Variants in RABGAP1L observed in about 807,000 individuals in gnomAD.
RABGAP1L encodes rab GTPase-activating protein 1-like.
RABGAP1L carries 63 observed loss-of-function variants against 137.7 expected under a neutral mutation model. That is an observed-to-expected ratio of 0.46 (90% CI 0.37 to 0.56). The LOEUF is 0.56. Among genes scored for constraint, RABGAP1L ranks in the 20% least tolerant of loss-of-function variants. The pLI, the probability that RABGAP1L is intolerant of heterozygous loss-of-function variation, is 0.00. For missense variants in RABGAP1L, 1,095 were observed against 1,244.0 expected, an observed-to-expected ratio of 0.88 and a Z score of 1.80; for synonymous variants, 431 against 433.7, an observed-to-expected ratio of 0.99 and a Z score of 0.08.
At chr1:174,362,117 T>C (rs1684197966) in intron 11 of RABGAP1L, among the ~76,000 whole-genome samples, 1 of 152,114 alleles carries the variant, frequency 6.6e-6, no homozygotes, top group Non-Finnish European at 1.5e-5. Context: ...CATGATCTCA[T>C]TTTTTTTATG....
At chr1:174,179,481 A>C (rs909706649) in intron 1 of RABGAP1L, among the ~76,000 whole-genome samples, 3 of 152,184 alleles carry the variant, frequency 2.0e-5, no homozygotes, top group South Asian at 2.1e-4. Context: ...AATGTTAAAA[A>C]GATGTGTGCT....
chr1:174,693,159 T>C (rs1678996757), intron 15 of RABGAP1L, among the ~76,000 whole-genome samples: 1 of 152,232 alleles, frequency 6.6e-6, no homozygotes, highest in South Asian at 2.1e-4. Flanking sequence ...TATTGGGAAC[T>C]AATGAGGAAT....
chr1:174,476,257 A>G (rs1017257962), intron 13 of RABGAP1L, among the ~76,000 whole-genome samples: 3 of 152,156 alleles, frequency 2.0e-5, no homozygotes, highest in Non-Finnish European at 4.4e-5. Context: ...TGCCTATGCT[A>G]TTTTTATTTT....
At chr1:174,447,410 A>G (rs1201005698) in intron 13 of RABGAP1L, among the ~76,000 whole-genome samples, 1 of 152,096 alleles carries the variant, frequency 6.6e-6, no homozygotes, top group Non-Finnish European at 1.5e-5. Flanking sequence ...ATTAACTTTG[A>G]TAGAGTTGTT....
chr1:174,384,667 C>T (rs1686591235), intron 12 of RABGAP1L, among the ~76,000 whole-genome samples: 1 of 152,116 alleles, frequency 6.6e-6, no homozygotes, highest in African/African-American at 2.4e-5. Context: ...ATAGGTAACT[C>T]TGTCTTAACT....
At chr1:174,327,986 CAT>C (rs3057021) in intron 11 of RABGAP1L, among the ~76,000 whole-genome samples, 4,453 of 53,374 alleles carry the variant, frequency 0.083, 237 homozygotes, top group East Asian at 0.13. Flanking sequence ...TATACACACA[CAT>C]ATATATATAT....
At chr1:174,447,461 T>A (rs746134255) in intron 13 of RABGAP1L, among the ~76,000 whole-genome samples, 3 of 152,170 alleles carry the variant, frequency 2.0e-5, no homozygotes, top group Admixed American at 6.6e-5. Context: ...GTTATAAATT[T>A]GACCCCCCAA....
intron 13 of RABGAP1L, among the ~76,000 whole-genome samples, chr1:174,418,437 TC>T (rs1029486203): frequency 6.6e-6 from 1 of 152,196 alleles, no homozygotes; most frequent in African/African-American, 2.4e-5. Context: ...GAATGTAAGG[TC>T]CCTGTGATGG....
chr1:174,284,702 T>G (rs1008331660), intron 10 of RABGAP1L, among the ~76,000 whole-genome samples: 1 of 151,322 alleles, frequency 6.6e-6, no homozygotes, highest in African/African-American at 2.4e-5. Context: ...TGTGCAAGGG[T>G]TCTGTTCTCA....
At chr1:174,680,457 A>G (rs557958595) in intron 14 of RABGAP1L, among the ~76,000 whole-genome samples, 2 of 152,326 alleles carry the variant, frequency 1.3e-5, no homozygotes, top group African/African-American at 4.8e-5. Flanking sequence ...TGGATTTTGT[A>G]GCCTCCAAAA....
intron 16 of RABGAP1L, 84 bp downstream of exon 16, chr1:174,699,734 A>T: frequency 7.7e-7 from 1 of 1,305,598 alleles, no homozygotes; most frequent in Non-Finnish European, 1.1e-6. Context: ...GCAATAATGA[A>T]TTATAGAAGT....
intron 10 of RABGAP1L, among the ~76,000 whole-genome samples, chr1:174,285,302 C>T (rs978350712): frequency 4.6e-5 from 7 of 152,150 alleles, no homozygotes; most frequent in African/African-American, 1.7e-4. Context: ...CCGGCATGAG[C>T]CACCATGCCC....
chr1:174,259,591 C>T (rs1673406703), intron 7 of RABGAP1L, among the ~76,000 whole-genome samples: 3 of 152,128 alleles, frequency 2.0e-5, no homozygotes, highest in Admixed American at 6.5e-5. Flanking sequence ...TTAATAACTG[C>T]ACATTGCACC....
chr1:174,339,766 C>T (rs1681808194), intron 11 of RABGAP1L, among the ~76,000 whole-genome samples: 1 of 151,998 alleles, frequency 6.6e-6, no homozygotes, highest in African/African-American at 2.4e-5. Flanking sequence ...ACCACCATGC[C>T]TGGCTAATTT....
At chr1:174,988,971 G>T in intron 25 of RABGAP1L, 133 bp downstream of exon 25, 1 of 628,078 alleles carries the variant, frequency 1.6e-6, no homozygotes. Context: ...AATGTGTCCT[G>T]CATAATCACA....
At chr1:174,953,046 A>G (rs1667971414) in intron 19 of RABGAP1L, among the ~76,000 whole-genome samples, 1 of 151,824 alleles carries the variant, frequency 6.6e-6, no homozygotes, top group Non-Finnish European at 1.5e-5. Flanking sequence ...AAAAAAAAAA[A>G]AAAAAAGAAC....
chr1:174,561,711 T>C (rs1667227947), intron 13 of RABGAP1L, among the ~76,000 whole-genome samples: 1 of 152,118 alleles, frequency 6.6e-6, no homozygotes, highest in Non-Finnish European at 1.5e-5. Flanking sequence ...ACCACACATC[T>C]ACAAACATCT....
intron 13 of RABGAP1L, among the ~76,000 whole-genome samples, chr1:174,531,374 G>GA (rs992986854): frequency 2.6e-5 from 4 of 151,786 alleles, no homozygotes; most frequent in Admixed American, 1.3e-4. Flanking sequence ...AATAGAGGAG[G>GA]AAAAAATCAG....
At chr1:174,584,767 T>A (rs780705854) in intron 13 of RABGAP1L, among the ~76,000 whole-genome samples, 3 of 152,172 alleles carry the variant, frequency 2.0e-5, no homozygotes, top group Non-Finnish European at 2.9e-5. Flanking sequence ...AGGCAGGTTT[T>A]AAGAACTTCT....
Sources: allele counts gnomAD v4.1 joint callset (sites outside exome capture counted in the v4.1 genomes callset), GRCh38; gene constraint gnomAD v4.1.1; transcripts MANE v1.5; gene names NCBI Gene and HGNC (gene_info 2026-07-23, HGNC 2026-07-21).